SYCP2: variants seen among roughly 807,000 people sequenced by gnomAD.
SYCP2 encodes the protein synaptonemal complex protein 2.
SYCP2 carries 55 observed loss-of-function variants against 211.3 expected under a neutral mutation model. The ratio of observed to expected loss-of-function variants is 0.26; its 90% confidence interval spans 0.21 to 0.33. The LOEUF (loss-of-function observed/expected upper bound fraction) is 0.33, where lower values mean the gene tolerates loss of function less well. Ranked by LOEUF, SYCP2 falls within the 10% of genes least tolerant of loss-of-function variation. The pLI is 1.00. For synonymous variants in SYCP2, 570 were observed against 555.2 expected, an observed-to-expected ratio of 1.03 and a Z score of -0.37; for missense variants, 1,731 against 1,752.0, an observed-to-expected ratio of 0.99 and a Z score of 0.21.
intron 2 of SYCP2, among the ~76,000 whole-genome samples, chr20:59,925,024 T>G (rs1181596591): frequency 1.3e-5 from 2 of 152,068 alleles, no homozygotes; most frequent in Admixed American, 6.6e-5. Context: ...GAATGAAAAT[T>G]GAGAACAATT....
At chr20:59,876,036 C>A (rs1393081578) in intron 33 of SYCP2, among the ~76,000 whole-genome samples, 2 of 151,878 alleles carry the variant, frequency 1.3e-5, no homozygotes, top group Non-Finnish European at 2.9e-5. Flanking sequence ...TGAGAGGTGG[C>A]TTGAGAAGGC....
chr20:59,907,178 C>T (rs948160815), intron 15 of SYCP2, among the ~76,000 whole-genome samples, 186 bp downstream of exon 15: 4 of 152,076 alleles, frequency 2.6e-5, no homozygotes, highest in Non-Finnish European at 5.9e-5. Flanking sequence ...GAGGTAAGTA[C>T]AGGGGTAGAG....
At chr20:59,865,340 A>G (rs1255164960) in intron 44 of SYCP2, 48 bp downstream of exon 44, 12 of 1,457,498 alleles carry the variant, frequency 8.2e-6, no homozygotes, top group Non-Finnish European at 9.4e-6. Flanking sequence ...ATCAAAAACA[A>G]AAGACATTAA....
rs769270109 is a variant in SYCP2, at chr20:59,869,844, A to G, written c.3695T>C (p.Ile1232Thr). The change falls in exon 36 of 45, where the codon ATT becomes ACT. Residue 1232 changes from isoleucine (I) to threonine (T), a missense_variant. This residue lies in a region of SYCP2 where 1,387 missense variants were observed against 1,351.3 expected (regional missense o/e 1.03). Coordinates refer to ENST00000357552, the MANE Select transcript of SYCP2 (RefSeq NM_014258.4). ...SYSSEERFMEIESPHINENYI... is the reference protein window; with the variant it reads ...SYSSEERFMETESPHINENYI... ...ATTTTCATTGATATGTGGAGATTCAATTTCCATAAACCGTTCTTCTGAACT... is the reference window on the plus strand; with the variant it reads ...ATTTTCATTGATATGTGGAGATTCAGTTTCCATAAACCGTTCTTCTGAACT... 1.2e-6 allele frequency: 2 copies of G among 1,607,532 alleles called. No homozygotes were observed. Among genetic ancestry groups the G allele is most frequent in the South Asian group, 2.2e-5 (2 of 90,748 alleles).
rs1489999270 is a variant in SYCP2, at chr20:59,900,218, T to C, written c.1324A>G (p.Lys442Glu). 6.2e-7 allele frequency: 1 copy of C among 1,613,098 alleles called. No individual in the cohort carries two copies. Among genetic ancestry groups the C allele is most frequent in the Non-Finnish European group, 8.5e-7 (1 of 1,179,676 alleles). The change falls in exon 18 of 45, where the codon AAG becomes GAG. Residue 442 changes from lysine (K) to glutamate (E), a missense_variant. Lys to Glu is a moderately conservative substitution (Grantham distance 56). Transcript: ENST00000357552. ...EELVSLKEKS[K>E]SPKEFAKPSK... is the part of the protein sequence containing the mutation. ...GGTTTAGCAAATTCCTTTGGGGACT[T>C]TGATTTTTCCTTTAAACTAACGAGC...
At chr20:59,881,706 G>A (rs557137803) in intron 28 of SYCP2, among the ~76,000 whole-genome samples, 1 of 147,116 alleles carries the variant, frequency 6.8e-6, no homozygotes, top group Admixed American at 6.8e-5. Flanking sequence ...TTTCTTGGTA[G>A]TGAAGGCTTT....
At chr20:59,927,198 CA>C (rs370626429) in intron 2 of SYCP2, among the ~76,000 whole-genome samples, 1 of 151,860 alleles carries the variant, frequency 6.6e-6, no homozygotes, top group African/African-American at 2.4e-5. Context: ...TTCAGAAGCA[CA>C]AAAAAAGGAT....
At chr20:59,897,276 C>T (rs147137801) in intron 18 of SYCP2, among the ~76,000 whole-genome samples, 2 of 151,758 alleles carry the variant, frequency 1.3e-5, no homozygotes, top group Admixed American at 6.6e-5. Flanking sequence ...GTATATGAAA[C>T]GTGAGGGAAG....
intron 2 of SYCP2, among the ~76,000 whole-genome samples, chr20:59,927,351 T>C (rs958931149): frequency 3.9e-5 from 6 of 152,150 alleles, no homozygotes; most frequent in Non-Finnish European, 2.9e-5. Context: ...AACATCTTTA[T>C]GTATTGCCAA....
chr20:59,873,441 G>A (rs1218422119), intron 35 of SYCP2, among the ~76,000 whole-genome samples: 2 of 152,140 alleles, frequency 1.3e-5, no homozygotes, highest in African/African-American at 2.4e-5. Flanking sequence ...GTTGATTCAC[G>A]TCCCAGGAGG....
At position 59,875,434 on chromosome 20, in the gene SYCP2, C is replaced by G. The variant is rs1199463239; in HGVS notation, c.3186G>C (p.Lys1062Asn). 3.3e-5 allele frequency: 54 copies of G among 1,612,084 alleles called. No homozygotes were observed. Among genetic ancestry groups the G allele is most frequent in the Non-Finnish European group, 4.2e-5 (49 of 1,179,116 alleles). Residue 1062 changes from lysine to asparagine, a missense_variant, in exon 34 of 45, where the codon AAG (lysine) becomes AAC (asparagine). Coordinates refer to ENST00000357552, the MANE Select transcript of SYCP2 (RefSeq NM_014258.4). ...ENIHSRMKTV[K>N]LPKKQQKVFC... ...AGACTTTCTGTTGTTTCTTTGGTAGCTTTACCGTTTTCATTCTGGAATGGA... is the reference window on the plus strand; with the variant it reads ...AGACTTTCTGTTGTTTCTTTGGTAGGTTTACCGTTTTCATTCTGGAATGGA...
At chr20:59,931,549 A>T (rs143287960) in intron 2 of SYCP2, among the ~76,000 whole-genome samples, 107 of 152,208 alleles carry the variant, frequency 7.0e-4, no homozygotes, top group African/African-American at 2.5e-3. Context: ...TTATACTCTT[A>T]CCCTAGGGCC....
At chr20:59,910,371 C>CTTTTTTTTTTTT (rs1300245848) in intron 14 of SYCP2, among the ~76,000 whole-genome samples, 2 of 119,198 alleles carry the variant, frequency 1.7e-5, no homozygotes, top group African/African-American at 4.0e-5. Context: ...AGTGTAATTG[C>CTTTTTTTTTTTT]TTATTTTTTT....
At position 59,899,830 on chromosome 20, in the gene SYCP2, A is replaced by G. The variant is rs117108998; in HGVS notation, c.1404+308T>C. On this transcript the variant is annotated intron_variant, in intron 18 of 44. Coordinates refer to ENST00000357552, the MANE Select transcript of SYCP2 (RefSeq NM_014258.4). The stretch of plus-strand genomic sequence containing the variant: ...AATAAACAGAACATTATACATTTCT[A>G]TTCTACATTATAGCCAAATGCAATT... 7.9e-3 allele frequency among the ~76,000 whole-genome samples: 1,197 copies of G among 152,292 alleles called. 10 individuals carry two copies. The highest frequency in any genetic ancestry group is 0.014 in the Admixed American group (211 of 15,292).
intron 2 of SYCP2, 72 bp from the exon 3 acceptor site, chr20:59,922,531 A>T (rs763973107): frequency 1.2e-5 from 8 of 689,802 alleles, no homozygotes; most frequent in Non-Finnish European, 1.8e-5. Context: ...AATATCTTAC[A>T]CACATAAATA....
intron 3 of SYCP2, among the ~76,000 whole-genome samples, chr20:59,921,676 T>C (rs1448390308): frequency 6.6e-6 from 1 of 151,558 alleles, no homozygotes; most frequent in Non-Finnish European, 1.5e-5. Context: ...ATTTTATTAA[T>C]ATTTCCAATT....
intron 24 of SYCP2, among the ~76,000 whole-genome samples, chr20:59,887,990 A>T (rs1208300528): frequency 6.6e-6 from 1 of 152,116 alleles, no homozygotes; most frequent in Admixed American, 6.6e-5. Context: ...AGATCATCTG[A>T]CTAGGCCTAT....
intron 9 of SYCP2, 87 bp from the exon 10 acceptor site, chr20:59,915,286 A>G: frequency 8.7e-7 from 1 of 1,146,878 alleles, no homozygotes; most frequent in Non-Finnish European, 1.3e-6. Flanking sequence ...AAACTTCACA[A>G]AAATTTACAA....
chr20:59,918,154 TG>T (rs1391930528), intron 7 of SYCP2, among the ~76,000 whole-genome samples: 4 of 152,224 alleles, frequency 2.6e-5, no homozygotes, highest in Admixed American at 6.5e-5. Context: ...GAAATTTTTC[TG>T]AACAAGAGCT....
Sources: gnomAD v4.1 joint callset for allele counts (sites outside exome capture counted in the v4.1 genomes callset) on GRCh38, gnomAD v4.1.1 for gene constraint, gnomAD v4.1.1 regional missense constraint, MANE v1.5 for transcripts, NCBI Gene and HGNC (gene_info 2026-07-23, HGNC 2026-07-21) for gene names.